The following ATAD3C variants were observed in gnomAD, a reference collection of about 807,000 sequenced individuals.
ATAD3C encodes the protein ATPase family AAA domain containing 3C, also known as ATPase family AAA domain-containing protein 3C.
ATAD3C carries 38 observed loss-of-function variants against 46.3 expected under a neutral mutation model. That is an observed-to-expected ratio of 0.82 (90% CI 0.63 to 1.08). The LOEUF (loss-of-function observed/expected upper bound fraction) is 1.08. ATAD3C is among the 50% of genes least tolerant of loss of function. The pLI, the probability that ATAD3C is intolerant of heterozygous loss-of-function variation, is 0.00. For synonymous variants in ATAD3C, 220 were observed against 236.4 expected, an observed-to-expected ratio of 0.93 and a Z score of 0.63; for missense variants, 563 against 572.7, an observed-to-expected ratio of 0.98 and a Z score of 0.17.
chr1:1,461,865 C>T (rs2100487438), intron 10 of ATAD3C, among the ~76,000 whole-genome samples: 1 of 152,226 alleles, frequency 6.6e-6, no homozygotes, highest in East Asian at 1.9e-4. Flanking sequence ...GGGCGCGGCT[C>T]TTGCTTCCTG....
chr1:1,468,001 CAGGGTCTG>C lies in ATAD3C; in HGVS notation c.1090-371_1090-364del, dbSNP rs560092043. Among the ~76,000 whole-genome samples, 39 of 151,990 alleles carry C rather than the reference CAGGGTCTG, an allele frequency of 2.6e-4. No individual in the cohort carries two copies. The South Asian group carries it at 4.2e-3, about 16-fold the overall frequency. Reference sequence around the variant, plus strand: ...CTCTGCCCTGGAGGCCTGTGAGGGTCAGGGTCTGAGGGTCTGAGGTGCACTATGACCCG... The same window carrying C: ...CTCTGCCCTGGAGGCCTGTGAGGGTCAGGGTCTGAGGTGCACTATGACCCG... On this transcript the variant is annotated intron_variant, in intron 11 of 11. Coordinates refer to ENST00000378785, the MANE Select transcript of ATAD3C (RefSeq NM_001039211.3).
chr1:1,462,817 A>C lies in ATAD3C; in HGVS notation c.1089+109A>C, dbSNP rs1385167366. 3 of 1,333,840 alleles carry C rather than the reference A, an allele frequency of 2.2e-6. No homozygotes were observed. Among genetic ancestry groups the C allele is most frequent in the Admixed American group, 4.2e-5 (2 of 47,816 alleles). 82.6% of individuals were successfully genotyped at this position (1,333,840 alleles called of 1,614,324 possible). A position where few individuals can be genotyped will look rare whatever the true frequency, so the allele number is the denominator to read the frequency against. ...CGGTGTCACGTGGGAGCTTCTGTTGAGGGGTTTTCAGTGCACAGATGTGAC... is the reference window on the plus strand; with the variant it reads ...CGGTGTCACGTGGGAGCTTCTGTTGCGGGGTTTTCAGTGCACAGATGTGAC... On this transcript the variant is annotated intron_variant, in intron 11 of 11. Coordinates refer to ENST00000378785, the MANE Select transcript of ATAD3C (RefSeq NM_001039211.3). The surrounding 1 kb of genome is among the most constrained non-coding windows in gnomAD (Gnocchi z 4.5).
In ATAD3C at chr1:1,468,673, C is replaced by T. The variant is rs759185597; in HGVS notation, c.*143C>T. 14 of 1,517,334 alleles carry T rather than the reference C, an allele frequency of 9.2e-6. No individual in the cohort carries two copies. In the East Asian group the frequency reaches 9.4e-5, roughly 10 times the overall value. 94.0% of individuals were successfully genotyped at this position (1,517,334 alleles called of 1,614,324 possible). ...GCTGTGTCTATTGGCTGACACGGGG[C>T]GGGGTTTGGGGCCCCCTAACGTCCC... is the stretch of plus-strand genomic sequence containing the variant. On this transcript the variant is annotated 3_prime_UTR_variant, in exon 12 of 12. Coordinates refer to ENST00000378785, the MANE Select transcript of ATAD3C (RefSeq NM_001039211.3).
At chr1:1,450,958 G>T (rs1361528062) in intron 1 of ATAD3C, among the ~76,000 whole-genome samples, 200 bp downstream of exon 1, 1 of 152,080 alleles carries the variant, frequency 6.6e-6, no homozygotes, top group Non-Finnish European at 1.5e-5. Context: ...GCCCGAGAGG[G>T]AGGGCCGGTG....
At chr1:1,458,874 C>G (rs1639010492) in intron 8 of ATAD3C, among the ~76,000 whole-genome samples, 1 of 151,822 alleles carries the variant, frequency 6.6e-6, no homozygotes, top group Non-Finnish European at 1.5e-5. Context: ...AGGTGTGCCA[C>G]CACGCCTGGC....
In ATAD3C at chr1:1,464,161, C is replaced by T. The variant is rs149160360; in HGVS notation, c.1089+1453C>T. On this transcript the variant is annotated intron_variant, in intron 11 of 11. Coordinates refer to ENST00000378785, the MANE Select transcript of ATAD3C (RefSeq NM_001039211.3). Reference sequence around the variant, plus strand: ...GGTGGAGGTTGTGGTGAGCCGAGATCGTGCCACTGTACTTCAGCCTGAGCA... The same window carrying T: ...GGTGGAGGTTGTGGTGAGCCGAGATTGTGCCACTGTACTTCAGCCTGAGCA... Among the ~76,000 whole-genome samples the T allele has an allele frequency of 3.0e-3, 436 of 147,222 alleles. 4 individuals carry two copies. Among genetic ancestry groups the T allele is most frequent in the African/African-American group, 0.01 (409 of 39,560 alleles).
At chr1:1,454,561 A>G in intron 4 of ATAD3C, 61 bp downstream of exon 4, 1 of 1,562,742 alleles carries the variant, frequency 6.4e-7, no homozygotes. Flanking sequence ...CTTCTGCCCC[A>G]CGAGCACAGC....
intron 11 of ATAD3C, among the ~76,000 whole-genome samples, chr1:1,467,886 G>A (rs955007425): frequency 2.0e-5 from 3 of 152,104 alleles, no homozygotes; most frequent in Non-Finnish European, 4.4e-5. Flanking sequence ...CATGCTAGAT[G>A]CCAAGCCCTG....
In ATAD3C at chr1:1,454,343, A is replaced by T. The variant is rs1278769712; in HGVS notation, c.223-2A>T. 4 of 1,597,124 alleles carry T rather than the reference A, an allele frequency of 2.5e-6. No homozygotes were observed. The South Asian group carries it at 4.5e-5, about 18-fold the overall frequency. On this transcript the variant is annotated splice_acceptor_variant, in intron 3 of 11. Coordinates refer to ENST00000378785, the MANE Select transcript of ATAD3C (RefSeq NM_001039211.3). LOFTEE classifies it high-confidence loss of function. ...TGCGCCAGTGCGGTGTCTCTGCTGCAGGTGGCTGGGCTGACGCTGCTGGCT... is the reference window on the plus strand; with the variant it reads ...TGCGCCAGTGCGGTGTCTCTGCTGCTGGTGGCTGGGCTGACGCTGCTGGCT...
chr1:1,468,416 G>C lies in ATAD3C; in HGVS notation c.1122G>C (p.Leu374=). The change falls in exon 12 of 12, where the codon CTG becomes CTC. Residue 374 remains leucine, a synonymous_variant. Coordinates refer to ENST00000378785, the MANE Select transcript of ATAD3C (RefSeq NM_001039211.3). ...CGTATGCCTCCAAGGACGGGGTCCT[G>C]ACCGAGGCCATGATGGACGCCTGCG... ...ATAYASKDGV[L]TEAMMDACVQ... The C allele has an allele frequency of 1.9e-6, 3 of 1,613,000 alleles. No homozygotes were observed. In the South Asian group the frequency reaches 3.3e-5, roughly 18 times the overall value.
At position 1,449,961 on chromosome 1, in the gene ATAD3C, AATTCTT is replaced by A; in HGVS notation, c.-716_-711del. 6.6e-6 allele frequency: 1 copy of A among 152,094 alleles called. No homozygotes were observed. Among genetic ancestry groups the A allele is most frequent in the East Asian group, 1.9e-4 (1 of 5,192 alleles). 9.4% of individuals were successfully genotyped at this position (152,094 alleles called of 1,614,324 possible). On this transcript the variant is annotated 5_prime_UTR_variant, in exon 1 of 12. Coordinates refer to ENST00000378785, the MANE Select transcript of ATAD3C (RefSeq NM_001039211.3). Reference sequence around the variant, plus strand: ...ACCCTGAGCTTGTTGGCTGCTATCTAATTCTTATTCTTTCATTTTCTTGCCCGCACG... The same window carrying A: ...ACCCTGAGCTTGTTGGCTGCTATCTAATTCTTTCATTTTCTTGCCCGCACG...
chr1:1,469,935 T>C lies in ATAD3C; in HGVS notation c.*1405T>C, dbSNP rs1427685936. 1 of 151,906 alleles carries C rather than the reference T, an allele frequency of 6.6e-6. No homozygotes were observed. Among genetic ancestry groups the C allele is most frequent in the Non-Finnish European group, 1.5e-5 (1 of 67,950 alleles). The allele number at this position is 151,906 out of a possible 1,614,324, so 9.4% of individuals were successfully genotyped here. A position where few individuals can be genotyped will look rare whatever the true frequency, so the allele number is the denominator to read the frequency against. On this transcript the variant is annotated 3_prime_UTR_variant, in exon 12 of 12. Coordinates refer to ENST00000378785, the MANE Select transcript of ATAD3C (RefSeq NM_001039211.3). ...TCTGCCCCACCCTAGCTGATCAATGTACTTTGCAATCTCCCCCACCCTTAA... is the reference window on the plus strand; with the variant it reads ...TCTGCCCCACCCTAGCTGATCAATGCACTTTGCAATCTCCCCCACCCTTAA...
chr1:1,450,339 A>G lies in ATAD3C; in HGVS notation c.-345A>G. On this transcript the variant is annotated 5_prime_UTR_variant, in exon 1 of 12. Transcript: ENST00000378785. ...CTCCGTCTCAAAAAAAAAAAAAAAA[A>G]AAGCATGTGTAACGTGAAAAAATGG... The G allele has an allele frequency of 4.2e-6, 1 of 237,818 alleles. No homozygotes were observed. Among genetic ancestry groups the G allele is most frequent in the Non-Finnish European group, 8.3e-6 (1 of 120,300 alleles). The allele number at this position is 237,818 out of a possible 1,614,324, so 14.7% of individuals were successfully genotyped here. A position where few individuals can be genotyped will look rare whatever the true frequency, so the allele number is the denominator to read the frequency against.
In ATAD3C at chr1:1,469,284, C is replaced by CT. The variant is rs1043728423; in HGVS notation, c.*755dup. On this transcript the variant is annotated 3_prime_UTR_variant, in exon 12 of 12. Coordinates refer to ENST00000378785, the MANE Select transcript of ATAD3C (RefSeq NM_001039211.3). ...ATGGGCAACAAGAGTCAAACTCCCT[C>CT]TAAAAAAAAAAAAAAAAAAAGGGCC... 7.0e-5 allele frequency: 9 copies of CT among 129,392 alleles called. No individual in the cohort carries two copies. Among genetic ancestry groups the CT allele is most frequent in the East Asian group, 4.7e-4 (2 of 4,252 alleles). 8.0% of individuals were successfully genotyped at this position (129,392 alleles called of 1,614,324 possible). A position where few individuals can be genotyped will look rare whatever the true frequency, so the allele number is the denominator to read the frequency against.
At chr1:1,455,401 T>C (rs1638940820) in intron 4 of ATAD3C, 59 bp from the exon 5 acceptor site, 1 of 1,595,822 alleles carries the variant, frequency 6.3e-7, no homozygotes, top group African/African-American at 1.3e-5. Flanking sequence ...TGTGTGTGCG[T>C]TGGTGGCTGT....
chr1:1,455,611 C>G, intron 5 of ATAD3C, 92 bp downstream of exon 5: 2 of 1,594,634 alleles, frequency 1.3e-6, no homozygotes, highest in Non-Finnish European at 1.7e-6. Context: ...CTGGTGGCGC[C>G]CAGGATCTTT....
In ATAD3C at chr1:1,468,931, A is replaced by G. The variant is rs1172121774; in HGVS notation, c.*401A>G. The G allele has an allele frequency of 4.4e-6, 1 of 229,366 alleles. No individual in the cohort carries two copies. Among genetic ancestry groups the G allele is most frequent in the South Asian group, 5.4e-5 (1 of 18,636 alleles). The allele number at this position is 229,366 out of a possible 1,614,324, so 14.2% of individuals were successfully genotyped here. A position where few individuals can be genotyped will look rare whatever the true frequency, so the allele number is the denominator to read the frequency against. ...CGCGAAACAGACACAGCGGCTTCAAATAGATGCCGCCCCTGCCCGCGCTTT... is the reference window on the plus strand; with the variant it reads ...CGCGAAACAGACACAGCGGCTTCAAGTAGATGCCGCCCCTGCCCGCGCTTT... On this transcript the variant is annotated 3_prime_UTR_variant, in exon 12 of 12. Coordinates refer to ENST00000378785, the MANE Select transcript of ATAD3C (RefSeq NM_001039211.3).
chr1:1,462,631 A>C lies in ATAD3C; in HGVS notation c.1012A>C (p.Arg338=). The change falls in exon 11 of 12, where the codon AGG becomes CGG. Residue 338 remains arginine (R), a synonymous_variant. Coordinates refer to ENST00000378785, the MANE Select transcript of ATAD3C (RefSeq NM_001039211.3). The surrounding 1 kb of genome is among the most constrained non-coding windows in gnomAD (Gnocchi z 4.5). ...GAAGCTGGCCCAGTTTGACTACGGG[A>C]GGAAGTGCTTAGAGATCGCTCGGCT... is the stretch of plus-strand genomic sequence containing the variant. ...RLKLAQFDYG[R]KCLEIARLTE... is the part of the protein sequence containing the mutation. The C allele has an allele frequency of 2.5e-6, 4 of 1,605,344 alleles. No individual in the cohort carries two copies. The highest frequency in any genetic ancestry group is 3.4e-6 in the Non-Finnish European group (4 of 1,176,464).
chr1:1,453,702 C>T (rs558713686), intron 3 of ATAD3C, among the ~76,000 whole-genome samples: 36 of 150,600 alleles, frequency 2.4e-4, no homozygotes, highest in Middle Eastern at 3.4e-3. Context: ...TGTGACGGCG[C>T]AGTCTGGGCT....
Sources: allele counts gnomAD v4.1 joint callset (sites outside exome capture counted in the v4.1 genomes callset), GRCh38; gene constraint gnomAD v4.1.1; non-coding constraint Gnocchi (gnomAD v3.1); transcripts MANE v1.5; gene names NCBI Gene and HGNC (gene_info 2026-07-23, HGNC 2026-07-21).